Variants in COMMD10 observed in about 807,000 individuals in gnomAD.
COMMD10 encodes COMM domain-containing protein 10.
In COMMD10, 33 loss-of-function variants were observed where a neutral mutation model predicts 28.9. That is an observed-to-expected ratio of 1.14 (90% CI 0.87 to 1.53). COMMD10 has a LOEUF of 1.53. Ranked by LOEUF, COMMD10 falls within the 40% of genes most tolerant of loss-of-function variation. The pLI is 0.00. For missense variants in COMMD10, 310 were observed against 233.4 expected (o/e 1.33, Z -2.14); for synonymous variants, 110 against 81.7 (o/e 1.35, Z -1.87).
At chr5:116,258,840 A>G (rs1006825074) in intron 5 of COMMD10, among the ~76,000 whole-genome samples, 1 of 151,522 alleles carries the variant, frequency 6.6e-6, no homozygotes, top group Non-Finnish European at 1.5e-5. Context: ...CTTTTGTCTG[A>G]AACCCGAATC....
intron 5 of COMMD10, chr5:116,218,257 A>G: frequency 2.7e-6 from 2 of 743,348 alleles, no homozygotes; most frequent in South Asian, 1.4e-5. Flanking sequence ...CCTTGGCTTT[A>G]TCTCCTTTAG....
At chr5:116,213,332 C>G (rs1223244060) in intron 5 of COMMD10, among the ~76,000 whole-genome samples, 1 of 152,118 alleles carries the variant, frequency 6.6e-6, no homozygotes, top group Non-Finnish European at 1.5e-5. Flanking sequence ...TACTTCACAT[C>G]AGTCTTACAG....
chr5:116,110,614 C>A (rs754565929), intron 4 of COMMD10, among the ~76,000 whole-genome samples: 1 of 152,144 alleles, frequency 6.6e-6, no homozygotes, highest in East Asian at 1.9e-4. Flanking sequence ...TCTGTTCTTA[C>A]ATTGCTACAC....
chr5:116,179,441 T>C (rs941670577), intron 5 of COMMD10, among the ~76,000 whole-genome samples: 2 of 152,080 alleles, frequency 1.3e-5, no homozygotes, highest in Non-Finnish European at 2.9e-5. Flanking sequence ...CTCTTTCCAT[T>C]CGTAAATACC....
At chr5:116,137,297 G>A (rs936137331) in intron 5 of COMMD10, among the ~76,000 whole-genome samples, 1 of 151,924 alleles carries the variant, frequency 6.6e-6, no homozygotes, top group Non-Finnish European at 1.5e-5. Context: ...GGAATATTAA[G>A]TAAAAAGGAA....
At chr5:116,273,779 C>G (rs1750822055) in intron 5 of COMMD10, among the ~76,000 whole-genome samples, 1 of 151,538 alleles carries the variant, frequency 6.6e-6, no homozygotes, top group Admixed American at 6.6e-5. Flanking sequence ...AACTGACACT[C>G]AAATTTTTTA....
intron 1 of COMMD10, among the ~76,000 whole-genome samples, chr5:116,086,501 C>G (rs1334491958): frequency 1.3e-5 from 2 of 151,798 alleles, no homozygotes; most frequent in Non-Finnish European, 2.9e-5. Flanking sequence ...TCTTGTTGCG[C>G]AGGCTGGAGT....
intron 5 of COMMD10, among the ~76,000 whole-genome samples, chr5:116,156,163 A>C (rs1294011960): frequency 6.6e-6 from 1 of 152,152 alleles, no homozygotes; most frequent in Non-Finnish European, 1.5e-5. Flanking sequence ...ATCCAGTTCC[A>C]AAATAACTCT....
intron 5 of COMMD10, among the ~76,000 whole-genome samples, chr5:116,189,785 CAG>C (rs1193837067): frequency 3.3e-5 from 5 of 152,114 alleles, no homozygotes; most frequent in African/African-American, 1.2e-4. Context: ...ATCTAATGAA[CAG>C]TACTATTTTC....
In COMMD10 at chr5:116,170,517, C is replaced by T. The variant is rs187081074; in HGVS notation, c.510+36339C>T. On this transcript the variant is annotated intron_variant, in intron 5 of 6. Transcript: ENST00000274458. ...TTTCATGTGGAACCAAAAAAGAACC[C>T]GTATAGCCAAGACAATCCTAAGCAA... 7.6e-3 allele frequency among the ~76,000 whole-genome samples: 1,162 copies of T among 152,124 alleles called. 8 individuals carry two copies. Among genetic ancestry groups the T allele is most frequent in the South Asian group, 0.021 (99 of 4,818 alleles).
At chr5:116,154,060 A>G (rs1752625438) in intron 5 of COMMD10, among the ~76,000 whole-genome samples, 1 of 152,040 alleles carries the variant, frequency 6.6e-6, no homozygotes, top group South Asian at 2.1e-4. Context: ...GATTGACTTC[A>G]TATGCCCTTG....
At chr5:116,252,290 G>A (rs965047794) in intron 5 of COMMD10, among the ~76,000 whole-genome samples, 1 of 142,444 alleles carries the variant, frequency 7.0e-6, no homozygotes, top group Non-Finnish European at 1.5e-5. Flanking sequence ...CTGTGCAGAA[G>A]CTCTTTAGTT....
intron 5 of COMMD10, among the ~76,000 whole-genome samples, chr5:116,263,027 AT>A (rs1242408375): frequency 6.6e-6 from 1 of 151,794 alleles, no homozygotes; most frequent in African/African-American, 2.4e-5. Flanking sequence ...TGCTAAACAT[AT>A]TTTTTAATAG....
rs536157106 is a variant in COMMD10, at chr5:116,271,263, T to C, written c.511-20254T>C. On this transcript the variant is annotated intron_variant, in intron 5 of 6. Coordinates refer to ENST00000274458, the MANE Select transcript of COMMD10 (RefSeq NM_016144.4). ...AGTAAAAACAATTTTTTTTCCTGTT[T>C]AAGCATTTTTATCTTTTTAAATTTT... Among the ~76,000 whole-genome samples, 85 of 144,266 alleles carry C rather than the reference T, an allele frequency of 5.9e-4. 3 individuals are homozygous for C. The highest frequency in any genetic ancestry group is 1.7e-3 in the African/African-American group (66 of 38,780). 94.6% of individuals were successfully genotyped at this position (144,266 alleles called of 152,430 possible).
At chr5:116,271,317 A>T (rs1010755827) in intron 5 of COMMD10, among the ~76,000 whole-genome samples, 19 of 147,076 alleles carry the variant, frequency 1.3e-4, no homozygotes, top group South Asian at 2.1e-4. Context: ...AATATATATA[A>T]AATATAAATA....
At chr5:116,247,040 A>G (rs1269625088) in intron 5 of COMMD10, among the ~76,000 whole-genome samples, 2 of 152,092 alleles carry the variant, frequency 1.3e-5, no homozygotes, top group Admixed American at 6.6e-5. Flanking sequence ...CAGAGAACCT[A>G]AAGAATGGGA....
chr5:116,182,271 A>C (rs1376008791), intron 5 of COMMD10, among the ~76,000 whole-genome samples: 2 of 151,846 alleles, frequency 1.3e-5, no homozygotes, highest in African/African-American at 2.4e-5. Flanking sequence ...GCTCTAGGCT[A>C]CTATTTAATA....
rs939832680 is a variant in COMMD10 at position 116,274,078 on chromosome 5, T to C, written c.511-17439T>C. Among the ~76,000 whole-genome samples the C allele has an allele frequency of 2.6e-4, 40 of 151,702 alleles. 3 individuals carry two copies. The highest frequency in any genetic ancestry group is 9.2e-4 in the African/African-American group (38 of 41,124). ...CTGCAACTGTCACCAACCTTTCCTA[T>C]AAAACAGCAATATATTAAATGATAG... On this transcript the variant is annotated intron_variant, in intron 5 of 6. Transcript: ENST00000274458.
At chr5:116,255,530 C>G (rs896608355) in intron 5 of COMMD10, among the ~76,000 whole-genome samples, 3 of 151,114 alleles carry the variant, frequency 2.0e-5, no homozygotes, top group African/African-American at 7.3e-5. Flanking sequence ...CTTGAGCAGA[C>G]TCTATTTTCA....
Sources: allele counts gnomAD v4.1 joint callset (sites outside exome capture counted in the v4.1 genomes callset), GRCh38; gene constraint gnomAD v4.1.1; transcripts MANE v1.5; gene names NCBI Gene and HGNC (gene_info 2026-07-23, HGNC 2026-07-21).